SLC39A10: variants seen among roughly 807,000 people sequenced by gnomAD.
The protein encoded by SLC39A10 is solute carrier family 39 member 10, also known as zinc transporter ZIP10.
Under a neutral mutation model 65.1 loss-of-function variants are expected in SLC39A10, and 13 were observed. The observed-to-expected ratio is 0.20, with a 90% confidence interval of 0.13 to 0.32. The LOEUF is 0.32. Among genes scored for constraint, SLC39A10 ranks in the 10% least tolerant of loss-of-function variants. The pLI is 1.00. For synonymous variants in SLC39A10, 321 were observed against 342.2 expected (o/e 0.94, Z 0.68); for missense variants, 831 against 1,018.4 (o/e 0.82, Z 2.50).
chr2:195,622,231 T>A (rs1211541065), intron 2 of SLC39A10, among the ~76,000 whole-genome samples: 1 of 151,854 alleles, frequency 6.6e-6, no homozygotes, highest in Non-Finnish European at 1.5e-5. Flanking sequence ...TTGGGCATGG[T>A]GGTGAGTGCC....
At chr2:195,621,121 T>A (rs1275411159) in intron 2 of SLC39A10, among the ~76,000 whole-genome samples, 1 of 152,266 alleles carries the variant, frequency 6.6e-6, no homozygotes, top group Non-Finnish European at 1.5e-5. Flanking sequence ...TTGGGTTTAC[T>A]CATTTCCTTT....
chr2:195,620,319 T>G (rs1264136896), intron 2 of SLC39A10, among the ~76,000 whole-genome samples: 9 of 152,164 alleles, frequency 5.9e-5, no homozygotes, highest in Admixed American at 5.9e-4. Context: ...GGTATAAAAG[T>G]ATATTTGAGT....
intron 1 of SLC39A10, chr2:195,657,506 C>CTT (rs1484875097): frequency 1.0e-6 from 1 of 985,326 alleles, no homozygotes; most frequent in African/African-American, 1.7e-5. Flanking sequence ...TTGGGCGCCG[C>CTT]GGCTCCTCGT....
intron 1 of SLC39A10, among the ~76,000 whole-genome samples, chr2:195,668,553 G>A (rs1360653982): frequency 6.6e-6 from 1 of 152,180 alleles, no homozygotes; most frequent in Non-Finnish European, 1.5e-5. Context: ...TATTTTGTGT[G>A]TTTGTGTGCA....
chr2:195,718,244 TTCC>T lies in SLC39A10; in HGVS notation c.2066-5_2066-3del. On this transcript the variant is annotated splice_region_variant and splice_polypyrimidine_tract_variant and intron_variant, in intron 7 of 9. Coordinates refer to ENST00000359634, the MANE Select transcript of SLC39A10 (RefSeq NM_020342.3). The stretch of plus-strand genomic sequence containing the variant: ...AACCTCACTTGTTTTTTTTCTTATC[TTCC>T]TCAGGTGCAGCTTTCAGTGCTGGAT... 6.2e-7 allele frequency: 1 copy of T among 1,603,738 alleles called. No individual in the cohort carries two copies. Among genetic ancestry groups the T allele is most frequent in the Non-Finnish European group, 8.5e-7 (1 of 1,173,026 alleles).
chr2:195,624,154 G>A (rs1688410240), intron 2 of SLC39A10, among the ~76,000 whole-genome samples: 1 of 152,080 alleles, frequency 6.6e-6, no homozygotes, highest in Non-Finnish European at 1.5e-5. Flanking sequence ...GGGAGGCCGA[G>A]GCGGGTGAAT....
At chr2:195,705,531 T>C (rs1219302309) in intron 3 of SLC39A10, among the ~76,000 whole-genome samples, 1 of 152,236 alleles carries the variant, frequency 6.6e-6, no homozygotes, top group East Asian at 1.9e-4. Context: ...TCCCTATCTT[T>C]ACTTTTCCTT....
intron 2 of SLC39A10, among the ~76,000 whole-genome samples, chr2:195,613,130 C>T (rs1237168810): frequency 1.3e-5 from 2 of 152,114 alleles, no homozygotes; most frequent in Admixed American, 6.6e-5. Context: ...AAGTTCTGTT[C>T]ATAGGGACCA....
At chr2:195,621,051 G>A (rs1688339193) in intron 2 of SLC39A10, among the ~76,000 whole-genome samples, 1 of 152,146 alleles carries the variant, frequency 6.6e-6, no homozygotes, top group Non-Finnish European at 1.5e-5. Context: ...TTTTCAAATA[G>A]AACATAAATT....
At chr2:195,731,808 G>A (rs576216001) in intron 9 of SLC39A10, among the ~76,000 whole-genome samples, 72 of 152,274 alleles carry the variant, frequency 4.7e-4, no homozygotes, top group African/African-American at 1.6e-3. Context: ...GAAGCAAGGG[G>A]AAGGGTCGTA....
chr2:195,724,634 C>CATAG (rs1692171384), intron 8 of SLC39A10, among the ~76,000 whole-genome samples: 1 of 152,056 alleles, frequency 6.6e-6, no homozygotes, highest in Non-Finnish European at 1.5e-5. Flanking sequence ...TAACAATATG[C>CATAG]ATAGACCTAC....
chr2:195,685,345 A>G (rs145016926), intron 3 of SLC39A10, among the ~76,000 whole-genome samples: 77 of 152,186 alleles, frequency 5.1e-4, no homozygotes, highest in Non-Finnish European at 9.7e-4. Context: ...TATTTTTTAT[A>G]TCTCTGGAAC....
intron 9 of SLC39A10, 31 bp from the exon 10 acceptor site, chr2:195,734,852 C>T: frequency 6.4e-7 from 1 of 1,565,462 alleles, no homozygotes; most frequent in Non-Finnish European, 8.6e-7. Context: ...AAGTATTATA[C>T]AAAGTTTAAT....
chr2:195,699,060 A>G (rs1222619975), intron 3 of SLC39A10, among the ~76,000 whole-genome samples: 1 of 151,946 alleles, frequency 6.6e-6, no homozygotes, highest in African/African-American at 2.4e-5. Context: ...TCCATTTCAT[A>G]TAGGTTATCC....
chr2:195,736,382 G>C lies in SLC39A10; in HGVS notation c.*1341G>C, dbSNP rs1006581786. On this transcript the variant is annotated 3_prime_UTR_variant, in exon 10 of 10. Transcript: ENST00000359634. ...TTTCTGTTTACATCCTATGCCACAT[G>C]GTCTTCATTTATGCCAGGTAAACTG... is the stretch of plus-strand genomic sequence containing the variant. 6.0e-6 allele frequency: 1 copy of C among 166,642 alleles called. No homozygotes were observed. Among genetic ancestry groups the C allele is most frequent in the Admixed American group, 6.5e-5 (1 of 15,292 alleles). 10.3% of individuals were successfully genotyped at this position (166,642 alleles called of 1,614,324 possible).
intron 2 of SLC39A10, among the ~76,000 whole-genome samples, chr2:195,618,992 C>T (rs1290043893): frequency 6.7e-6 from 1 of 148,502 alleles, no homozygotes; most frequent in African/African-American, 2.5e-5. Context: ...ACTCGGGTGG[C>T]TGAGGCAGGA....
At chr2:195,635,551 C>T (rs1688680403) in intron 2 of SLC39A10, among the ~76,000 whole-genome samples, 1 of 152,250 alleles carries the variant, frequency 6.6e-6, no homozygotes, top group South Asian at 2.1e-4. Context: ...TACTAGAAGC[C>T]GTCTTCTTCA....
chr2:195,733,226 TG>T (rs1692482294), intron 9 of SLC39A10, among the ~76,000 whole-genome samples: 1 of 152,200 alleles, frequency 6.6e-6, no homozygotes, highest in African/African-American at 2.4e-5. Flanking sequence ...GATACTGTTT[TG>T]GAGCAAAACG....
chr2:195,649,769 C>T (rs979257721), intron 2 of SLC39A10, among the ~76,000 whole-genome samples: 4 of 152,210 alleles, frequency 2.6e-5, no homozygotes, highest in Non-Finnish European at 5.9e-5. Flanking sequence ...TCAATTTCTG[C>T]TGTGCCAGTA....
Sources: allele counts gnomAD v4.1 joint callset (sites outside exome capture counted in the v4.1 genomes callset), GRCh38; gene constraint gnomAD v4.1.1; transcripts MANE v1.5; gene names NCBI Gene and HGNC (gene_info 2026-07-23, HGNC 2026-07-21).